Variants in CA11 observed in about 807,000 individuals in gnomAD.
CA11 encodes carbonic anhydrase 11 (inactive).
A neutral mutation model predicts 39.3 loss-of-function variants in CA11; 20 were observed. The ratio of observed to expected loss-of-function variants is 0.51; its 90% confidence interval spans 0.36 to 0.74. The LOEUF (loss-of-function observed/expected upper bound fraction) is 0.74. CA11 is among the 30% of genes least tolerant of loss of function. The pLI is 0.00. For synonymous variants in CA11, 166 were observed against 172.5 expected (o/e 0.96, Z 0.29); for missense variants, 336 against 424.6 (o/e 0.79, Z 1.83).
chr19:48,644,350 C>G, intron 3 of CA11, 77 bp downstream of exon 3: 2 of 1,396,000 alleles, frequency 1.4e-6, no homozygotes, highest in Non-Finnish European at 1.9e-6. Flanking sequence ...GCTCTCCTAC[C>G]TCAGCACCCC....
At chr19:48,645,534 CG>C (rs1285825084) in intron 1 of CA11, 31 bp downstream of exon 1, 1 of 1,597,266 alleles carries the variant, frequency 6.3e-7, no homozygotes, top group Non-Finnish European at 8.5e-7. Flanking sequence ...CACCCTCCCT[CG>C]GGGGCTCCTC....
In CA11 at chr19:48,643,614, A is replaced by G. The variant is rs903282748; in HGVS notation, c.285+813T>C. Among the ~76,000 whole-genome samples, 1 of 147,852 alleles carries G rather than the reference A, an allele frequency of 6.8e-6. No individual in the cohort carries two copies. Among genetic ancestry groups the G allele is most frequent in the African/African-American group, 2.5e-5 (1 of 39,996 alleles). On this transcript the variant is annotated intron_variant, in intron 3 of 8. Coordinates refer to ENST00000084798, the MANE Select transcript of CA11 (RefSeq NM_001217.5). The surrounding 1 kb of genome is among the most constrained non-coding windows in gnomAD (Gnocchi z 4.3). ...CACTGCACTCCAGCCTGGGTCACAGAGTGAGATCCCAATTCCAAAAAAAAA... is the reference window on the plus strand; with the variant it reads ...CACTGCACTCCAGCCTGGGTCACAGGGTGAGATCCCAATTCCAAAAAAAAA...
At chr19:48,644,694 T>C in intron 2 of CA11, 125 bp from the exon 3 acceptor site, 1 of 703,904 alleles carries the variant, frequency 1.4e-6, no homozygotes, top group Non-Finnish European at 2.1e-6. Context: ...GCTAGGGACC[T>C]AGACTCCTGG....
rs2031029183 is a variant in CA11 at position 48,640,313 on chromosome 19, G to T, written c.286-33C>A. 4 of 1,572,186 alleles carry T rather than the reference G, an allele frequency of 2.5e-6. No homozygotes were observed. The Admixed American group carries it at 5.5e-5, about 22-fold the overall frequency. ...AGAGGCGGGAGCTGTCAGGGGGCAG[G>T]GAGAGATCTTTTATCTCTCGTTTCC... On this transcript the variant is annotated intron_variant, in intron 3 of 8. Coordinates refer to ENST00000084798, the MANE Select transcript of CA11 (RefSeq NM_001217.5).
chr19:48,639,577 G>A lies in CA11; in HGVS notation c.612C>T (p.Arg204=), dbSNP rs1372203102. The A allele has an allele frequency of 1.2e-6, 2 of 1,614,020 alleles. No individual in the cohort carries two copies. The highest frequency in any genetic ancestry group is 8.5e-7 in the Non-Finnish European group (1 of 1,179,964). The change falls in exon 6 of 9, where the codon CGC becomes CGT. Residue 204 remains arginine (R), a synonymous_variant. Transcript: ENST00000084798. ...SNPFLSRLLN[R]DTITRISYKN... is the part of the protein sequence containing the mutation. ...TGTAGGAGATGCGAGTGATGGTGTCGCGGTTAAGGAGGCGACTGAGGAATG... is the reference window on the plus strand; with the variant it reads ...TGTAGGAGATGCGAGTGATGGTGTCACGGTTAAGGAGGCGACTGAGGAATG...
At chr19:48,640,053 C>T in intron 4 of CA11, 42 bp downstream of exon 4, 1 of 1,595,796 alleles carries the variant, frequency 6.3e-7, no homozygotes, top group Non-Finnish European at 8.6e-7. Context: ...ATTGGGGTGA[C>T]TCAGGGCGGA....
Position 48,639,439 on chromosome 19 carries a change from C to G in CA11, c.661G>C (p.Asp221His). 1 of 1,613,808 alleles carries G rather than the reference C, an allele frequency of 6.2e-7. No homozygotes were observed. Among genetic ancestry groups the G allele is most frequent in the Non-Finnish European group, 8.5e-7 (1 of 1,179,930 alleles). ...SYKNDAYFLQDLSLELLFPES... is the reference protein window; with the variant it reads ...SYKNDAYFLQHLSLELLFPES... ...GGGAACAGGAGCTCCAGGCTCAGGTCTTGAAGAAAGTAGGCATCATCTGCG... is the reference window on the plus strand; with the variant it reads ...GGGAACAGGAGCTCCAGGCTCAGGTGTTGAAGAAAGTAGGCATCATCTGCG... The change falls in exon 7 of 9, where the codon GAC becomes CAC. Residue 221 changes from aspartate (D) to histidine (H), a missense_variant. Physicochemically the swap from Asp to His is moderately conservative, Grantham distance 81. Coordinates refer to ENST00000084798, the MANE Select transcript of CA11 (RefSeq NM_001217.5).
At position 48,639,866 on chromosome 19, in the gene CA11, G is replaced by T. The variant is rs913331384; in HGVS notation, c.489C>A (p.Phe163Leu). ...TGAAATTCCCGTAGAGTTCCTGGTT[G>T]AAGTGAATGAGCTGCACCTGGGGGT... ...GFSAEVQLIH[F>L]NQELYGNFSA... The change falls in exon 5 of 9, where the codon TTC becomes TTA. Residue 163 changes from phenylalanine (F) to leucine (L), a missense_variant. Physicochemically the swap from Phe to Leu is conservative, Grantham distance 22. Transcript: ENST00000084798. 1.5e-5 allele frequency: 24 copies of T among 1,613,976 alleles called. No homozygotes were observed. The highest frequency in any genetic ancestry group is 1.9e-5 in the Non-Finnish European group (22 of 1,179,964).
chr19:48,639,015 A>C lies in CA11; in HGVS notation c.834T>G (p.Ser278=), dbSNP rs750309400. 6.2e-7 allele frequency: 1 copy of C among 1,613,844 alleles called. No homozygotes were observed. Among genetic ancestry groups the C allele is most frequent in the Non-Finnish European group, 8.5e-7 (1 of 1,179,928 alleles). Reference sequence around the variant, plus strand: ...TACCGCTGAGGCTCTGGAAGATCTGAGATGGAGGATTCTGGCTCAGGAGTC... The same window carrying C: ...TACCGCTGAGGCTCTGGAAGATCTGCGATGGAGGATTCTGGCTCAGGAGTC... ...SLRLLSQNPP[S]QIFQSLSGNS... The change falls in exon 8 of 9, where the codon TCT becomes TCG. Residue 278 remains serine (S), a synonymous_variant. Transcript: ENST00000084798.
At chr19:48,639,737 G>A in intron 5 of CA11, 51 bp downstream of exon 5, 1 of 1,593,898 alleles carries the variant, frequency 6.3e-7, no homozygotes, top group Non-Finnish European at 8.6e-7. Flanking sequence ...CTCAGACCCC[G>A]GGTTCCAGGC....
intron 3 of CA11, among the ~76,000 whole-genome samples, chr19:48,642,218 G>C (rs965764361): frequency 6.6e-6 from 1 of 152,150 alleles, no homozygotes; most frequent in African/African-American, 2.4e-5. Flanking sequence ...GCATATATAG[G>C]CTGGATGTGG....
chr19:48,639,800 G>A lies in CA11; in HGVS notation c.555C>T (p.Ser185=), dbSNP rs1253678202. 1 of 1,613,874 alleles carries A rather than the reference G, an allele frequency of 6.2e-7. No homozygotes were observed. Among genetic ancestry groups the A allele is most frequent in the East Asian group, 2.2e-5 (1 of 44,888 alleles). The change falls in exon 5 of 9, where the codon AGC becomes AGT. Residue 185 remains serine, a synonymous_variant. Coordinates refer to ENST00000084798, the MANE Select transcript of CA11 (RefSeq NM_001217.5). ...CGCCTCCGCTCACGTTGACAAAGAG[G>A]CTGAGAATGGCCAGGCCATTGGGGC... ...SRGPNGLAIL[S]LFVNVASTSN...
In CA11 at chr19:48,638,889, A is replaced by G. The variant is rs762281412; in HGVS notation, c.960T>C (p.His320=). ...GAGGGGGTGCAGACTGGACCATACC[A>G]TGCAGGCGGTAGTTGGGGCCTCGGC... is the stretch of plus-strand genomic sequence containing the variant. ...RRCRGPNYRL[H]VDGVPHGR Residue 320 remains histidine (H), a splice_region_variant and synonymous_variant, in exon 8 of 9, where the codon CAT becomes CAC. Coordinates refer to ENST00000084798, the MANE Select transcript of CA11 (RefSeq NM_001217.5). 1 of 1,586,290 alleles carries G rather than the reference A, an allele frequency of 6.3e-7. No homozygotes were observed. Among genetic ancestry groups the G allele is most frequent in the Non-Finnish European group, 8.6e-7 (1 of 1,168,470 alleles).
chr19:48,639,686 C>A, intron 5 of CA11, 65 bp from the exon 6 acceptor site: 2 of 1,595,590 alleles, frequency 1.3e-6, no homozygotes, highest in African/African-American at 1.3e-5. Context: ...CTTCTCCTCC[C>A]CCAGGACCCA....
intron 3 of CA11, among the ~76,000 whole-genome samples, chr19:48,642,058 G>A (rs898557069): frequency 6.6e-6 from 1 of 152,154 alleles, no homozygotes; most frequent in African/African-American, 2.4e-5. Flanking sequence ...GGAACAGCAA[G>A]TGCAAAGGCC....
chr19:48,641,667 C>A (rs1035098858), intron 3 of CA11, among the ~76,000 whole-genome samples: 7 of 151,924 alleles, frequency 4.6e-5, no homozygotes, highest in Admixed American at 2.6e-4. Context: ...TATTTTGAGA[C>A]AAAGTCTCAT....
intron 8 of CA11, 85 bp downstream of exon 8, chr19:48,638,803 G>A: frequency 7.4e-7 from 1 of 1,359,674 alleles, no homozygotes; most frequent in South Asian, 1.5e-5. Flanking sequence ...AAGGAGGATG[G>A]GACTGAATCA....
At chr19:48,640,367 CTTTTTTTT>C (rs11372081) in intron 3 of CA11, 87 bp from the exon 4 acceptor site, 24 of 324,782 alleles carry the variant, frequency 7.4e-5, no homozygotes, top group East Asian at 1.9e-4. Flanking sequence ...TTCCAACAGT[CTTTTTTTT>C]TTTTTTTTTT....
intron 3 of CA11, among the ~76,000 whole-genome samples, chr19:48,642,487 A>T (rs778270644): frequency 2.0e-4 from 30 of 152,234 alleles, no homozygotes; most frequent in Non-Finnish European, 4.1e-4. Context: ...CGACAGAGCG[A>T]GACTCCGACT....
Sources: allele counts gnomAD v4.1 joint callset (sites outside exome capture counted in the v4.1 genomes callset), GRCh38; gene constraint gnomAD v4.1.1; non-coding constraint Gnocchi (gnomAD v3.1); transcripts MANE v1.5; gene names NCBI Gene and HGNC (gene_info 2026-07-23, HGNC 2026-07-21).